PLA2G5: variants seen among roughly 807,000 people sequenced by gnomAD.
The protein encoded by PLA2G5 is Ca2+-dependent phospholipase A2.
PLA2G5 carries 12 observed loss-of-function variants against 15.9 expected under a neutral mutation model. That is an observed-to-expected ratio of 0.76 (90% confidence interval 0.48 to 1.23). The LOEUF (loss-of-function observed/expected upper bound fraction) is 1.23, where lower values mean the gene tolerates loss of function less well. Among genes scored for constraint, PLA2G5 ranks in the 50% most tolerant of loss-of-function variants. The probability of loss-of-function intolerance (pLI) is 0.00; values close to 1 mark genes in which losing one functional copy is unlikely to be tolerated. For synonymous variants in PLA2G5, 71 were observed against 71.4 expected (o/e 0.99, Z 0.03); for missense variants, 169 against 177.1 (o/e 0.95, Z 0.26).
rs888105496 is a variant in PLA2G5, at chr1:20,090,771, C to T, written c.*79C>T. The T allele has an allele frequency of 6.8e-7, 1 of 1,468,134 alleles. No homozygotes were observed. The highest frequency in any genetic ancestry group is 9.5e-7 in the Non-Finnish European group (1 of 1,052,802). 90.9% of individuals were successfully genotyped at this position (1,468,134 alleles called of 1,614,324 possible). ...CACAGAGTACTGACTCTGCCTGGTTCCTGAGAGAGGCTCCTAAGTCACAGA... is the reference window on the plus strand; with the variant it reads ...CACAGAGTACTGACTCTGCCTGGTTTCTGAGAGAGGCTCCTAAGTCACAGA... On this transcript the variant is annotated 3_prime_UTR_variant, in exon 5 of 5. Coordinates refer to ENST00000375108, the MANE Select transcript of PLA2G5 (RefSeq NM_000929.3).
intron 2 of PLA2G5, among the ~76,000 whole-genome samples, chr1:20,060,799 C>A (rs1245514642): frequency 1.3e-5 from 2 of 150,642 alleles, no homozygotes; most frequent in Non-Finnish European, 3.0e-5. Flanking sequence ...CAATGGCGCA[C>A]CTCTGCCTCC....
chr1:20,072,185 C>T (rs1276856142), intron 1 of PLA2G5, among the ~76,000 whole-genome samples: 1 of 152,160 alleles, frequency 6.6e-6, no homozygotes, highest in Non-Finnish European at 1.5e-5. Context: ...TCAGCACTCC[C>T]ACCCTGCTCC....
chr1:20,033,568 T>A (rs1557721162), intron 1 of PLA2G5, among the ~76,000 whole-genome samples: 1 of 152,140 alleles, frequency 6.6e-6, no homozygotes, highest in African/African-American at 2.4e-5. Flanking sequence ...GGGCCAGCAA[T>A]GTGGCCACAC....
intron 1 of PLA2G5, among the ~76,000 whole-genome samples, chr1:20,054,413 G>A (rs2014334462): frequency 6.6e-6 from 1 of 152,124 alleles, no homozygotes; most frequent in Non-Finnish European, 1.5e-5. Flanking sequence ...GCATAAATGT[G>A]TAGATACACA....
intron 1 of PLA2G5, among the ~76,000 whole-genome samples, chr1:20,035,254 T>C (rs1248328945): frequency 6.6e-6 from 1 of 152,160 alleles, no homozygotes; most frequent in Non-Finnish European, 1.5e-5. Flanking sequence ...CCACCACTAC[T>C]TACAGGCTGG....
intron 1 of PLA2G5, chr1:20,046,255 T>C (rs951206173): frequency 4.2e-4 from 64 of 152,240 alleles, no homozygotes; most frequent in African/African-American, 1.5e-3. Flanking sequence ...TTGTTGTTGT[T>C]GTTTCTTCCA....
intron 3 of PLA2G5, among the ~76,000 whole-genome samples, chr1:20,087,444 A>C (rs1293127902): frequency 6.6e-6 from 1 of 151,792 alleles, no homozygotes; most frequent in Admixed American, 6.6e-5. Flanking sequence ...CCCAGGCTGG[A>C]GTGCAGTGGC....
upstream of PLA2G5, chr1:20,068,964 A>C (rs1429894483): frequency 7.8e-7 from 1 of 1,287,072 alleles, no homozygotes; most frequent in South Asian, 1.2e-5. Context: ...AAGTTAGGAC[A>C]AAGAGGCCCA....
intron 2 of PLA2G5, 85 bp from the exon 3 acceptor site, chr1:20,085,998 A>G: frequency 7.0e-7 from 1 of 1,421,156 alleles, no homozygotes; most frequent in Non-Finnish European, 9.8e-7. Context: ...CCTGGGTGGG[A>G]GAAAGGGTAG....
At chr1:20,085,976 G>T (rs2016266424) in intron 2 of PLA2G5, 107 bp from the exon 3 acceptor site, 10 of 1,081,168 alleles carry the variant, frequency 9.2e-6, no homozygotes, top group Non-Finnish European at 1.4e-5. Context: ...AGACATGCAG[G>T]TCCCTCCAAG....
At chr1:20,045,151 G>T (rs917583563) in intron 1 of PLA2G5, among the ~76,000 whole-genome samples, 2 of 152,172 alleles carry the variant, frequency 1.3e-5, no homozygotes, top group Non-Finnish European at 2.9e-5. Flanking sequence ...TTAGGTTTTA[G>T]GTCAGGTGTG....
chr1:20,052,573 G>A (rs2014227318), intron 1 of PLA2G5, among the ~76,000 whole-genome samples: 2 of 152,188 alleles, frequency 1.3e-5, no homozygotes, highest in African/African-American at 2.4e-5. Context: ...GAGGACATGA[G>A]ACTTCACAAC....
In PLA2G5 at chr1:20,083,268, C is replaced by A. The variant is rs146634674; in HGVS notation, c.-10-1553C>A. Reference sequence around the variant, plus strand: ...TCCCAGAGGCCAGCTGTGGACAGAACCTTCAGGAATGTTCTTGGAATTCAG... The same window carrying A: ...TCCCAGAGGCCAGCTGTGGACAGAAACTTCAGGAATGTTCTTGGAATTCAG... On this transcript the variant is annotated intron_variant, in intron 1 of 4. Coordinates refer to ENST00000375108, the MANE Select transcript of PLA2G5 (RefSeq NM_000929.3). 5.7e-3 allele frequency among the ~76,000 whole-genome samples: 862 copies of A among 151,982 alleles called. 36 individuals carry two copies. The highest frequency in any genetic ancestry group is 0.02 in the African/African-American group (812 of 41,274).
intron 1 of PLA2G5, chr1:20,045,971 A>G (rs1287312996): frequency 6.6e-6 from 1 of 151,366 alleles, no homozygotes; most frequent in African/African-American, 2.4e-5. Context: ...TTTTTTTTTG[A>G]GTTTTACTTG....
chr1:20,081,002 G>T (rs144097631), intron 1 of PLA2G5, among the ~76,000 whole-genome samples: 1 of 151,888 alleles, frequency 6.6e-6, no homozygotes, highest in Admixed American at 6.5e-5. Flanking sequence ...CGCACTGTGC[G>T]TTCTTTCCAG....
intron 1 of PLA2G5, among the ~76,000 whole-genome samples, chr1:20,034,915 G>A (rs918377806): frequency 6.6e-6 from 1 of 152,120 alleles, no homozygotes; most frequent in Non-Finnish European, 1.5e-5. Context: ...GGAGGAAAAA[G>A]GAGAGTCACC....
chr1:20,061,722 C>A (rs978577538), intron 2 of PLA2G5, among the ~76,000 whole-genome samples: 1 of 152,202 alleles, frequency 6.6e-6, no homozygotes, highest in Admixed American at 6.5e-5. Flanking sequence ...TGTGGGTAAC[C>A]CACCTCCTAT....
At chr1:20,071,087 G>A (rs192134509) in intron 1 of PLA2G5, 13 of 152,280 alleles carry the variant, frequency 8.5e-5, no homozygotes, top group Non-Finnish European at 1.5e-4. Flanking sequence ...GGACAACTCC[G>A]AGCTTTGTCA....
intron 4 of PLA2G5, among the ~76,000 whole-genome samples, chr1:20,090,098 G>A (rs2016495838): frequency 6.6e-6 from 1 of 152,160 alleles, no homozygotes; most frequent in South Asian, 2.1e-4. Flanking sequence ...TGCTTGACAT[G>A]CTTCCTTTTT....
Sources: gnomAD v4.1 joint callset for allele counts (sites outside exome capture counted in the v4.1 genomes callset) on GRCh38, gnomAD v4.1.1 for gene constraint, MANE v1.5 for transcripts, NCBI Gene and HGNC (gene_info 2026-07-23, HGNC 2026-07-21) for gene names.